Variants in RABGAP1L observed in about 807,000 individuals in gnomAD.
RABGAP1L encodes the protein rab GTPase-activating protein 1-like.
RABGAP1L carries 63 observed loss-of-function variants against 137.7 expected under a neutral mutation model. That is an observed-to-expected ratio of 0.46 (90% confidence interval 0.37 to 0.56). RABGAP1L has a LOEUF of 0.56. Among genes scored for constraint, RABGAP1L ranks in the 20% least tolerant of loss-of-function variants. The probability of loss-of-function intolerance (pLI) is 0.00; values close to 1 mark genes in which losing one functional copy is unlikely to be tolerated. For missense variants in RABGAP1L, 1,095 were observed against 1,244.0 expected (o/e 0.88, Z 1.80); for synonymous variants, 431 against 433.7 (o/e 0.99, Z 0.08).
chr1:174,945,154 G>T (rs1042210820), intron 19 of RABGAP1L, among the ~76,000 whole-genome samples: 1 of 152,162 alleles, frequency 6.6e-6, no homozygotes, highest in Non-Finnish European at 1.5e-5. Flanking sequence ...AGCTGTATCA[G>T]CTTTCTGTGG....
chr1:174,873,804 CGGTGA>C (rs1472769919), intron 19 of RABGAP1L, among the ~76,000 whole-genome samples: 1 of 152,054 alleles, frequency 6.6e-6, no homozygotes, highest in Non-Finnish European at 1.5e-5. Context: ...CCACTGCGCC[CGGTGA>C]GGTGAGATAA....
intron 10 of RABGAP1L, among the ~76,000 whole-genome samples, chr1:174,279,164 A>G (rs1675271099): frequency 6.6e-6 from 1 of 152,148 alleles, no homozygotes; most frequent in Non-Finnish European, 1.5e-5. Flanking sequence ...CCTAATTTCT[A>G]TAGTTATTTC....
At chr1:174,394,604 C>G (rs1222006017) in intron 13 of RABGAP1L, among the ~76,000 whole-genome samples, 1 of 151,964 alleles carries the variant, frequency 6.6e-6, no homozygotes, top group Non-Finnish European at 1.5e-5. Context: ...GCCCTTGGTT[C>G]CACTGTAAAT....
At chr1:174,283,275 G>A (rs1447937016) in intron 10 of RABGAP1L, among the ~76,000 whole-genome samples, 1 of 151,862 alleles carries the variant, frequency 6.6e-6, no homozygotes, top group Non-Finnish European at 1.5e-5. Context: ...GCGTGGTGGT[G>A]TGCACCTGTG....
intron 13 of RABGAP1L, among the ~76,000 whole-genome samples, chr1:174,463,517 T>TA (rs1656950368): frequency 2.7e-5 from 2 of 74,642 alleles, no homozygotes; most frequent in Non-Finnish European, 5.5e-5. Context: ...TGTTGTGGGG[T>TA]GGGGGAGGGG....
chr1:174,562,492 A>T (rs1667287273), intron 13 of RABGAP1L, among the ~76,000 whole-genome samples: 1 of 152,180 alleles, frequency 6.6e-6, no homozygotes, highest in African/African-American at 2.4e-5. Context: ...TGATCCAGCA[A>T]TCCCATTACT....
intron 13 of RABGAP1L, among the ~76,000 whole-genome samples, chr1:174,394,989 G>A (rs772646130): frequency 1.2e-4 from 17 of 147,090 alleles, no homozygotes; most frequent in Non-Finnish European, 2.5e-4. Flanking sequence ...TTAAATTGAT[G>A]GCCTCTGCAT....
intron 17 of RABGAP1L, among the ~76,000 whole-genome samples, chr1:174,749,838 C>T (rs1202557863): frequency 6.6e-6 from 1 of 152,072 alleles, no homozygotes; most frequent in African/African-American, 2.4e-5. Context: ...CAAGAGACAA[C>T]TTTGTAGGAC....
At chr1:174,407,402 G>A (rs1026071724) in intron 13 of RABGAP1L, among the ~76,000 whole-genome samples, 3 of 151,434 alleles carry the variant, frequency 2.0e-5, no homozygotes, top group African/African-American at 7.3e-5. Flanking sequence ...AGAATGCAGG[G>A]GTTAGTGGCT....
At chr1:174,378,710 C>T (rs1181432251) in intron 12 of RABGAP1L, among the ~76,000 whole-genome samples, 140 of 151,336 alleles carry the variant, frequency 9.3e-4, no homozygotes, top group Admixed American at 1.8e-3. Context: ...GAGTAGGTTG[C>T]GAAAATTTTC....
At chr1:174,175,151 A>G (rs1457884172) in intron 1 of RABGAP1L, among the ~76,000 whole-genome samples, 2 of 94,892 alleles carry the variant, frequency 2.1e-5, no homozygotes, top group Non-Finnish European at 3.7e-5. Context: ...TTTCTTGTAT[A>G]TGACACAGAC....
intron 22 of RABGAP1L, among the ~76,000 whole-genome samples, chr1:174,978,431 A>G (rs547136788): frequency 7.2e-5 from 11 of 152,302 alleles, no homozygotes; most frequent in South Asian, 4.1e-4. Context: ...TTTTTTCAGT[A>G]ATTTATAACA....
chr1:174,526,017 C>T (rs1663843023), intron 13 of RABGAP1L, among the ~76,000 whole-genome samples: 1 of 151,934 alleles, frequency 6.6e-6, no homozygotes, highest in South Asian at 2.1e-4. Context: ...ATTTTCGTTT[C>T]CCTGATGATT....
In RABGAP1L at chr1:174,630,239, A is replaced by G. The variant is rs1224080270; in HGVS notation, c.1711-7136A>G. The stretch of plus-strand genomic sequence containing the variant: ...AACCAGCCTTGCATCCCAGGGATGA[A>G]GCCCACTTGATCATGGTGGATAAGC... On this transcript the variant is annotated intron_variant, in intron 13 of 25. Transcript: ENST00000681986. 2.1e-5 allele frequency among the ~76,000 whole-genome samples: 3 copies of G among 140,322 alleles called. No homozygotes were observed. The Admixed American group carries it at 2.2e-4, about 10-fold the overall frequency. 92.1% of individuals were successfully genotyped at this position (140,322 alleles called of 152,430 possible). A position where few individuals can be genotyped will look rare whatever the true frequency, so the allele number is the denominator to read the frequency against.
chr1:174,772,348 TG>T (rs1686180444), intron 18 of RABGAP1L, among the ~76,000 whole-genome samples: 2 of 151,740 alleles, frequency 1.3e-5, no homozygotes, highest in Admixed American at 6.6e-5. Context: ...GAGGCCAAGG[TG>T]GGTGGATCAC....
At chr1:174,341,601 T>G (rs1414291778) in intron 11 of RABGAP1L, among the ~76,000 whole-genome samples, 1 of 152,214 alleles carries the variant, frequency 6.6e-6, no homozygotes, top group Admixed American at 6.5e-5. Flanking sequence ...AAGTTTGAAC[T>G]GAAATGGAAC....
chr1:174,687,265 A>G (rs1678548802), intron 15 of RABGAP1L, among the ~76,000 whole-genome samples: 1 of 152,196 alleles, frequency 6.6e-6, no homozygotes, highest in African/African-American at 2.4e-5. Flanking sequence ...GTGAACTCCA[A>G]CAAGATAGCT....
At chr1:174,563,495 C>T (rs1667362645) in intron 13 of RABGAP1L, among the ~76,000 whole-genome samples, 1 of 152,112 alleles carries the variant, frequency 6.6e-6, no homozygotes, top group Non-Finnish European at 1.5e-5. Context: ...TTCTCTTAAC[C>T]ATAAAATGAG....
chr1:174,578,096 G>A (rs534659962), intron 13 of RABGAP1L, among the ~76,000 whole-genome samples: 2 of 152,238 alleles, frequency 1.3e-5, no homozygotes, highest in African/African-American at 4.8e-5. Flanking sequence ...TTAAAAAGTA[G>A]TGCATATGTG....
Sources: allele counts gnomAD v4.1 joint callset (sites outside exome capture counted in the v4.1 genomes callset), GRCh38; gene constraint gnomAD v4.1.1; transcripts MANE v1.5; gene names NCBI Gene and HGNC (gene_info 2026-07-23, HGNC 2026-07-21).